Variants in MCF2 observed in about 807,000 individuals in gnomAD.
The protein encoded by MCF2 is MCF.2 cell line derived transforming sequence, also known as proto-oncogene DBL.
Under a neutral mutation model 82.5 loss-of-function variants are expected in MCF2, and 44 were observed. The ratio of observed to expected loss-of-function variants is 0.53; its 90% CI spans 0.42 to 0.69. MCF2 has a LOEUF of 0.69. Ranked by LOEUF, MCF2 falls within the 30% of genes least tolerant of loss-of-function variation. The pLI is 0.00. For synonymous variants in MCF2, 217 were observed against 224.9 expected, an observed-to-expected ratio of 0.96 and a Z score of 0.32; for missense variants, 623 against 663.1, an observed-to-expected ratio of 0.94 and a Z score of 0.66.
chrX:139,608,873 T>C (rs1363378830), intron 11 of MCF2, among the ~76,000 whole-genome samples: 1 of 111,945 alleles, frequency 8.9e-6, no homozygotes, highest in Non-Finnish European at 1.9e-5. Flanking sequence ...ATTCACCCTG[T>C]TTCTTTCTTG....
intron 19 of MCF2, among the ~76,000 whole-genome samples, chrX:139,590,184 A>C (rs1453300082): frequency 1.8e-5 from 2 of 111,494 alleles, no homozygotes; most frequent in Non-Finnish European, 3.8e-5. Flanking sequence ...CTGAACATCC[A>C]AGTAGCCCAT....
intron 1 of MCF2, among the ~76,000 whole-genome samples, chrX:139,695,573 G>A (rs1935365667): frequency 1.8e-5 from 2 of 111,695 alleles, no homozygotes; most frequent in African/African-American, 6.5e-5. Flanking sequence ...AAATATGAGA[G>A]AGGGAGAGAA....
upstream of MCF2, among the ~76,000 whole-genome samples, chrX:139,647,080 A>G (rs762987622): frequency 8.9e-6 from 1 of 112,257 alleles, no homozygotes. Flanking sequence ...AAAAGGTGGC[A>G]GAGTAGTTTC....
At chrX:139,591,986 G>A (rs1220931326) in intron 19 of MCF2, among the ~76,000 whole-genome samples, 2 of 111,141 alleles carry the variant, frequency 1.8e-5, no homozygotes, top group Non-Finnish European at 3.8e-5. Flanking sequence ...TAATAACCCA[G>A]ATTCTTAAAT....
At chrX:139,593,155 G>C (rs1379212341) in intron 19 of MCF2, among the ~76,000 whole-genome samples, 1 of 111,989 alleles carries the variant, frequency 8.9e-6, no homozygotes, top group Non-Finnish European at 1.9e-5. Context: ...ATTTCTTCTA[G>C]ATTTTCTAGT....
At chrX:139,601,041 T>C (rs1930514841) in intron 16 of MCF2, among the ~76,000 whole-genome samples, 1 of 111,032 alleles carries the variant, frequency 9.0e-6, no homozygotes. Context: ...TGAGGGCTCT[T>C]CAAAATTAAA....
chrX:139,685,395 C>T (rs1009682868), intron 1 of MCF2, among the ~76,000 whole-genome samples: 1 of 110,901 alleles, frequency 9.0e-6, no homozygotes, highest in Admixed American at 9.6e-5. Flanking sequence ...CTGATCTAAC[C>T]GGTTATGTTA....
intron 2 of MCF2, among the ~76,000 whole-genome samples, chrX:139,651,195 A>T (rs1350956095): frequency 9.0e-6 from 1 of 111,456 alleles, no homozygotes; most frequent in African/African-American, 3.3e-5. Context: ...GTTGTATGTT[A>T]AATTTATTTT....
intron 1 of MCF2, among the ~76,000 whole-genome samples, chrX:139,671,441 T>G (rs1170081552): frequency 8.9e-6 from 1 of 111,806 alleles, no homozygotes; most frequent in Non-Finnish European, 1.9e-5. Context: ...GTTTTTATGG[T>G]TTTAGGTCTA....
chrX:139,681,425 C>T (rs927161904), intron 1 of MCF2, among the ~76,000 whole-genome samples: 6 of 111,815 alleles, frequency 5.4e-5, no homozygotes, highest in African/African-American at 2.0e-4. Flanking sequence ...TACTATAAGC[C>T]CATTAAGACA....
chrX:139,659,900 G>A (rs1330364576), intron 1 of MCF2, among the ~76,000 whole-genome samples: 2 of 111,799 alleles, frequency 1.8e-5, no homozygotes, highest in Non-Finnish European at 3.8e-5. Context: ...TATCAACCAG[G>A]CACTACACAA....
At chrX:139,674,449 A>C (rs138709511) in intron 1 of MCF2, among the ~76,000 whole-genome samples, 4,246 of 111,617 alleles carry the variant, frequency 0.038, 90 homozygotes, top group Non-Finnish European at 0.053. Flanking sequence ...TGTTTTTTGC[A>C]GTGGTTGATA....
At chrX:139,677,329 A>ACCCTC (rs1934892473) in intron 1 of MCF2, among the ~76,000 whole-genome samples, 1 of 110,610 alleles carries the variant, frequency 9.0e-6, no homozygotes, top group Non-Finnish European at 1.9e-5. Context: ...CATACACTTG[A>ACCCTC]TCTCTCAAGT....
At chrX:139,596,841 G>C in intron 18 of MCF2, 71 bp from the exon 23 acceptor site, 1 of 719,594 alleles carries the variant, frequency 1.4e-6, no homozygotes, top group African/African-American at 2.1e-5. Context: ...CAACATGTTA[G>C]GGTTCAGCTT....
chrX:139,674,015 A>G (rs1370208673), intron 1 of MCF2, among the ~76,000 whole-genome samples: 1 of 111,573 alleles, frequency 9.0e-6, no homozygotes, highest in Non-Finnish European at 1.9e-5. Flanking sequence ...TCGGGTGCAT[A>G]TATCTTTAGG....
intron 12 of MCF2, chrX:139,607,188 TTAAC>T (rs1366854101): frequency 9.0e-6 from 1 of 111,183 alleles, no homozygotes; most frequent in Non-Finnish European, 1.9e-5. Flanking sequence ...GATAGATGTG[TTAAC>T]TAACTTGATA....
chrX:139,636,741 C>A (rs1393817169), intron 1 of MCF2, among the ~76,000 whole-genome samples: 1 of 111,770 alleles, frequency 8.9e-6, no homozygotes, highest in East Asian at 2.8e-4. Context: ...AGGAAAATCA[C>A]CGTCTGCAAG....
intron 11 of MCF2, among the ~76,000 whole-genome samples, chrX:139,608,966 AT>A (rs758488115): frequency 8.9e-6 from 1 of 112,144 alleles, no homozygotes; most frequent in Admixed American, 9.5e-5. Context: ...TATTAATTAT[AT>A]TAAAACTTAG....
rs147639156 is a variant in MCF2, at chrX:139,660,033, A to G, written c.-44-8245T>C. Among the ~76,000 whole-genome samples the G allele has an allele frequency of 8.1e-3, 908 of 111,888 alleles. 6 individuals are homozygous for G. Among genetic ancestry groups the G allele is most frequent in the African/African-American group, 0.027 (833 of 30,739 alleles). On this transcript the variant is annotated intron_variant, in intron 1 of 27. Transcript: ENST00000414978. The stretch of plus-strand genomic sequence containing the variant: ...TACCTTTCATACTTCATTCATTCAT[A>G]CCATTCATACATACCATTCATTCAA...
Sources: gnomAD v4.1 joint callset for allele counts (sites outside exome capture counted in the v4.1 genomes callset) on GRCh38, gnomAD v4.1.1 for gene constraint, MANE v1.5 for transcripts, NCBI Gene and HGNC (gene_info 2026-07-23, HGNC 2026-07-21) for gene names.